The following LPP variants were observed in gnomAD, a reference collection of about 807,000 sequenced individuals.
The protein encoded by LPP is LIM domain containing preferred translocation partner in lipoma.
In LPP, 38 loss-of-function variants were observed where a neutral mutation model predicts 60.4. The ratio of observed to expected loss-of-function variants is 0.63; its 90% CI spans 0.49 to 0.83. The LOEUF (loss-of-function observed/expected upper bound fraction) is 0.83. Among genes scored for constraint, LPP ranks in the 40% least tolerant of loss-of-function variants. The probability of loss-of-function intolerance (pLI) is 0.00; values close to 1 mark genes in which losing one functional copy is unlikely to be tolerated. For missense variants in LPP, 902 were observed against 783.6 expected, an observed-to-expected ratio of 1.15 and a Z score of -1.80; for synonymous variants, 328 against 290.8, an observed-to-expected ratio of 1.13 and a Z score of -1.30.
At chr3:188,261,528 G>C (rs1190065436) in intron 2 of LPP, among the ~76,000 whole-genome samples, 1 of 152,072 alleles carries the variant, frequency 6.6e-6, no homozygotes, top group Non-Finnish European at 1.5e-5. Context: ...AATAGCTATA[G>C]ATTTTCGCTC....
intron 5 of LPP, among the ~76,000 whole-genome samples, chr3:188,490,624 G>A (rs1378211587): frequency 6.6e-6 from 1 of 151,844 alleles, no homozygotes; most frequent in African/African-American, 2.4e-5. Context: ...TCGGCCCCAC[G>A]AAGTGCTAGG....
At chr3:188,656,252 C>T (rs573542922) in intron 7 of LPP, among the ~76,000 whole-genome samples, 19 of 151,540 alleles carry the variant, frequency 1.3e-4, no homozygotes, top group African/African-American at 2.7e-4. Flanking sequence ...TGTGCCCAGG[C>T]GCTCCCAGGT....
chr3:188,752,410 A>C (rs1296394669), intron 8 of LPP, among the ~76,000 whole-genome samples: 1 of 152,252 alleles, frequency 6.6e-6, no homozygotes, highest in African/African-American at 2.4e-5. Context: ...CTAGTAACAA[A>C]GGCAAGAATT....
chr3:188,641,826 C>T (rs1850199836), intron 7 of LPP, among the ~76,000 whole-genome samples: 1 of 152,174 alleles, frequency 6.6e-6, no homozygotes, highest in Admixed American at 6.5e-5. Context: ...GACTAGGCAG[C>T]CTCCCACAAT....
chr3:188,677,807 A>C (rs1446979284), intron 7 of LPP, among the ~76,000 whole-genome samples: 1 of 152,142 alleles, frequency 6.6e-6, no homozygotes, highest in Non-Finnish European at 1.5e-5. Context: ...TGTCATCTAA[A>C]TGATGGATGT....
intron 9 of LPP, among the ~76,000 whole-genome samples, chr3:188,855,429 G>A (rs541456663): frequency 6.6e-6 from 1 of 152,206 alleles, no homozygotes; most frequent in Non-Finnish European, 1.5e-5. Context: ...TGATATCATA[G>A]TGATAAGCAC....
intron 1 of LPP, among the ~76,000 whole-genome samples, chr3:188,211,505 C>A (rs948092952): frequency 2.6e-5 from 4 of 152,112 alleles, no homozygotes; most frequent in Non-Finnish European, 4.4e-5. Flanking sequence ...TCCCGACACA[C>A]CATTTCCCCT....
At chr3:188,710,955 A>G (rs952957318) in intron 8 of LPP, 6 of 152,230 alleles carry the variant, frequency 3.9e-5, no homozygotes, top group Admixed American at 3.3e-4. Context: ...ATATGGGAAT[A>G]ATAACTAGCT....
intron 7 of LPP, among the ~76,000 whole-genome samples, chr3:188,640,375 G>T (rs1195372351): frequency 6.9e-4 from 80 of 116,602 alleles, no homozygotes; most frequent in African/African-American, 2.5e-3. Context: ...TTGTGGGGTG[G>T]GGGGAGGGGG....
At chr3:188,852,008 A>G (rs927698718) in intron 9 of LPP, among the ~76,000 whole-genome samples, 1 of 152,158 alleles carries the variant, frequency 6.6e-6, no homozygotes, top group Non-Finnish European at 1.5e-5. Flanking sequence ...TACTAAAAAT[A>G]CAAAAATTAG....
chr3:188,768,950 A>C (rs1734993487), intron 9 of LPP, among the ~76,000 whole-genome samples: 1 of 152,200 alleles, frequency 6.6e-6, no homozygotes, highest in South Asian at 2.1e-4. Context: ...GTATGTACAT[A>C]TAGTCATTTA....
intron 4 of LPP, among the ~76,000 whole-genome samples, chr3:188,428,454 C>T (rs1309681328): frequency 2.0e-5 from 3 of 152,022 alleles, no homozygotes; most frequent in Non-Finnish European, 4.4e-5. Flanking sequence ...TTGCAGTGGA[C>T]TTTACATGTT....
rs1316049785 is a variant in LPP, at chr3:188,524,925, T to G, written c.429+138T>G. The stretch of plus-strand genomic sequence containing the variant: ...CTTCCTTCCTTCCTTCCTTCCTTCC[T>G]TCCTTCCTTCCTTCCTTCCTTCCTC... On this transcript the variant is annotated intron_variant, in intron 6 of 11. Coordinates refer to ENST00000617246, the MANE Select transcript of LPP (RefSeq NM_001375462.1). 153 of 651,708 alleles carry G rather than the reference T, an allele frequency of 2.3e-4. 9 individuals are homozygous for G. The highest frequency in any genetic ancestry group is 1.0e-3 in the Admixed American group (29 of 28,284). The allele number at this position is 651,708 out of a possible 1,614,324, so 40.4% of individuals were successfully genotyped here. A position where few individuals can be genotyped will look rare whatever the true frequency, so the allele number is the denominator to read the frequency against.
intron 7 of LPP, among the ~76,000 whole-genome samples, chr3:188,687,775 CTT>C (rs61574227): frequency 1.1e-4 from 14 of 127,108 alleles, no homozygotes; most frequent in African/African-American, 1.5e-4. Context: ...GTCTTATACT[CTT>C]TTTTTTTTTT....
At chr3:188,766,433 TC>T (rs1442115586) in intron 9 of LPP, among the ~76,000 whole-genome samples, 1 of 147,440 alleles carries the variant, frequency 6.8e-6, no homozygotes, top group African/African-American at 2.5e-5. Context: ...TAACATTTGC[TC>T]AGTGCTTTAA....
At chr3:188,866,177 G>A (rs200948867) in intron 9 of LPP, 23 bp from the exon 10 acceptor site, 12 of 1,446,398 alleles carry the variant, frequency 8.3e-6, no homozygotes, top group South Asian at 3.1e-5. Context: ...CCAGTCTGAC[G>A]TGGTTTCTGT....
intron 8 of LPP, among the ~76,000 whole-genome samples, chr3:188,757,236 G>A (rs919302321): frequency 2.0e-5 from 3 of 150,082 alleles, no homozygotes; most frequent in Middle Eastern, 3.4e-3. Context: ...TCGTGACATC[G>A]TCGAATTCAT....
intron 2 of LPP, among the ~76,000 whole-genome samples, chr3:188,249,624 T>C (rs1426050392): frequency 6.6e-6 from 1 of 152,062 alleles, no homozygotes; most frequent in Non-Finnish European, 1.5e-5. Flanking sequence ...AATTCTCAGT[T>C]ACTACATTTT....
chr3:188,845,725 C>T (rs184271386), intron 9 of LPP, among the ~76,000 whole-genome samples: 1 of 152,190 alleles, frequency 6.6e-6, no homozygotes, highest in Non-Finnish European at 1.5e-5. Flanking sequence ...ATTGGGAGCT[C>T]TCAGGTCTGT....
Sources: allele counts gnomAD v4.1 joint callset (sites outside exome capture counted in the v4.1 genomes callset), GRCh38; gene constraint gnomAD v4.1.1; transcripts MANE v1.5; gene names NCBI Gene and HGNC (gene_info 2026-07-23, HGNC 2026-07-21).